MLIP: variants seen among roughly 807,000 people sequenced by gnomAD.
The protein encoded by MLIP is muscular LMNA-interacting protein.
Under a neutral mutation model 84.8 loss-of-function variants are expected in MLIP, and 79 were observed. The ratio of observed to expected loss-of-function variants is 0.93; its 90% CI spans 0.78 to 1.12. MLIP has a LOEUF of 1.12. Ranked by LOEUF, MLIP falls within the 50% of genes most tolerant of loss-of-function variation. The probability of loss-of-function intolerance (pLI) is 0.00; values close to 1 mark genes in which losing one functional copy is unlikely to be tolerated. For missense variants in MLIP, 1,257 were observed against 1,160.6 expected (o/e 1.08, Z -1.21); for synonymous variants, 504 against 463.0 (o/e 1.09, Z -1.14).
At chr6:54,217,083 T>C in intron 11 of MLIP, 1 of 985,460 alleles carries the variant, frequency 1.0e-6, no homozygotes. Flanking sequence ...AATGTTGCTT[T>C]ACCAAAGAGG....
rs73741440 is a variant in MLIP, at chr6:54,131,263, G to A, written c.646-5452G>A. 5.7e-3 allele frequency among the ~76,000 whole-genome samples: 863 copies of A among 152,248 alleles called. 15 individuals are homozygous for A. The highest frequency in any genetic ancestry group is 0.019 in the African/African-American group (781 of 41,566). On this transcript the variant is annotated intron_variant, in intron 3 of 13. Transcript: ENST00000502396. Reference sequence around the variant, plus strand: ...TTGAAATCAAGGTGTCAGTCAGGTTGGCAGAATTTATTTCCTTGAGGCTGT... The same window carrying A: ...TTGAAATCAAGGTGTCAGTCAGGTTAGCAGAATTTATTTCCTTGAGGCTGT...
rs144680366 is a variant in MLIP at position 54,105,420 on chromosome 6, A to C, written c.64-16027A>C. Among the ~76,000 whole-genome samples the C allele has an allele frequency of 5.0e-4, 76 of 152,324 alleles. 1 individual carries two copies. Among genetic ancestry groups the C allele is most frequent in the African/African-American group, 1.7e-3 (70 of 41,562 alleles). On this transcript the variant is annotated intron_variant, in intron 1 of 12. Transcript: ENST00000274897. ...GTTTACCAAAATTGTCTTTTTCATT[A>C]GAAAAAAATAAGTTTATATGATAAA...
chr6:54,216,847 C>T (rs1276802329), intron 11 of MLIP: 2 of 985,182 alleles, frequency 2.0e-6, no homozygotes, highest in East Asian at 2.3e-4. Flanking sequence ...ATCACAATCT[C>T]TTATTTCATA....
At chr6:54,094,499 G>A (rs1372121368) in intron 1 of MLIP, among the ~76,000 whole-genome samples, 1 of 152,028 alleles carries the variant, frequency 6.6e-6, no homozygotes, top group Admixed American at 6.6e-5. Flanking sequence ...ACTGTCAAAA[G>A]CTCTTACTTG....
chr6:54,180,701 T>C (rs922973709), intron 9 of MLIP, among the ~76,000 whole-genome samples: 4 of 152,174 alleles, frequency 2.6e-5, no homozygotes, highest in African/African-American at 9.6e-5. Context: ...ATTATTTCAA[T>C]CTCTTTGTTA....
intron 10 of MLIP, among the ~76,000 whole-genome samples, chr6:54,196,391 G>C (rs1291549801): frequency 6.6e-6 from 1 of 152,008 alleles, no homozygotes; most frequent in Non-Finnish European, 1.5e-5. Context: ...ATGTGTTCAT[G>C]AGTTCTCTTT....
chr6:54,218,332 A>G (rs1779987058), intron 11 of MLIP, among the ~76,000 whole-genome samples: 1 of 152,210 alleles, frequency 6.6e-6, no homozygotes, highest in African/African-American at 2.4e-5. Context: ...ATCTAAACAT[A>G]TCTGATCATA....
intron 1 of MLIP, among the ~76,000 whole-genome samples, chr6:54,042,690 T>C (rs1248935840): frequency 6.6e-6 from 1 of 152,138 alleles, no homozygotes; most frequent in Non-Finnish European, 1.5e-5. Context: ...GGGCAGCAGA[T>C]CTGGAGTCAT....
intron 2 of MLIP, among the ~76,000 whole-genome samples, chr6:54,121,871 T>A (rs1375895667): frequency 1.3e-5 from 2 of 152,202 alleles, no homozygotes; most frequent in Non-Finnish European, 2.9e-5. Context: ...CTCTCAAATG[T>A]TTCTTAAGAA....
intron 1 of MLIP, among the ~76,000 whole-genome samples, chr6:54,118,471 C>T (rs887932174): frequency 2.0e-5 from 3 of 152,112 alleles, no homozygotes; most frequent in African/African-American, 7.2e-5. Flanking sequence ...AATGGGTTTC[C>T]ACATGCAGAA....
intron 1 of MLIP, among the ~76,000 whole-genome samples, chr6:54,022,309 C>T (rs974386916): frequency 1.3e-5 from 2 of 152,158 alleles, no homozygotes; most frequent in East Asian, 1.9e-4. Context: ...CTAAACTCGC[C>T]TATCACTGTA....
chr6:54,101,545 T>TTC (rs1224029898), intron 1 of MLIP, among the ~76,000 whole-genome samples: 1 of 152,152 alleles, frequency 6.6e-6, no homozygotes, highest in Non-Finnish European at 1.5e-5. Flanking sequence ...ATAAGTAGAT[T>TTC]TATGTTTTTG....
Position 54,137,878 on chromosome 6 carries a change from G to A in MLIP, c.1809G>A (p.Thr603=), listed in dbSNP as rs1218726472. 1.3e-6 allele frequency: 2 copies of A among 1,536,034 alleles called. No individual in the cohort carries two copies. The highest frequency in any genetic ancestry group is 2.4e-5 in the South Asian group (2 of 84,048). ...CTCCTCCTATTAATCAAAGAGCTAC[G>A]TTCTCTTCTTCAGAGAAATGTTTCC... ...SLSPPINQRA[T]FSSSEKCFHP... Residue 603 remains threonine, a synonymous_variant, in exon 4 of 14, where the codon ACG becomes ACA. Coordinates refer to ENST00000502396, the MANE Select transcript of MLIP (RefSeq NM_001281747.2).
At chr6:54,120,055 A>ACAAAAGCAC (rs1441965666) in intron 1 of MLIP, among the ~76,000 whole-genome samples, 1 of 152,110 alleles carries the variant, frequency 6.6e-6, no homozygotes, top group Non-Finnish European at 1.5e-5. Context: ...TATAAAACAA[A>ACAAAAGCAC]CAAAAGCACC....
At chr6:54,255,494 A>T (rs1458133320) in intron 12 of MLIP, among the ~76,000 whole-genome samples, 2 of 152,208 alleles carry the variant, frequency 1.3e-5, no homozygotes, top group Non-Finnish European at 2.9e-5. Flanking sequence ...TAAGAATATT[A>T]AAAAGGCAAA....
At chr6:54,190,845 G>C (rs1777845956) in intron 10 of MLIP, among the ~76,000 whole-genome samples, 1 of 148,926 alleles carries the variant, frequency 6.7e-6, no homozygotes, top group Admixed American at 6.8e-5. Context: ...GGCGAGGCTA[G>C]AGTGCAGTGG....
At chr6:54,202,736 T>C (rs1239997463) in intron 11 of MLIP, among the ~76,000 whole-genome samples, 2 of 151,920 alleles carry the variant, frequency 1.3e-5, no homozygotes, top group East Asian at 3.9e-4. Context: ...CTACAACAAA[T>C]TAAAAAAAAT....
rs1769731357 is a variant in MLIP at position 54,114,393 on chromosome 6, T to C, written c.96+2818T>C. Among the ~76,000 whole-genome samples, 3 of 152,224 alleles carry C rather than the reference T, an allele frequency of 2.0e-5. No individual in the cohort carries two copies. The South Asian group carries it at 6.2e-4, about 31-fold the overall frequency. ...GTTATTCTCAAACCAGCTTCAACTA[T>C]TGTCTTCCCCATTTCAGTGAATAAT... is the stretch of plus-strand genomic sequence containing the variant. On this transcript the variant is annotated intron_variant, in intron 1 of 13. Transcript: ENST00000502396.
At chr6:54,264,798 T>A (rs1043431928) in intron 13 of MLIP, among the ~76,000 whole-genome samples, 1 of 152,116 alleles carries the variant, frequency 6.6e-6, no homozygotes, top group Non-Finnish European at 1.5e-5. Flanking sequence ...AAGCTACAGC[T>A]TACTTCTTAC....
Sources: gnomAD v4.1 joint callset for allele counts (sites outside exome capture counted in the v4.1 genomes callset) on GRCh38, gnomAD v4.1.1 for gene constraint, MANE v1.5 for transcripts, NCBI Gene and HGNC (gene_info 2026-07-23, HGNC 2026-07-21) for gene names.